Variants in NAA25 observed in about 807,000 individuals in gnomAD.
NAA25 encodes N-alpha-acetyltransferase 25, NatB auxiliary subunit.
In NAA25, 30 loss-of-function variants were observed where a neutral mutation model predicts 132.5. The observed-to-expected ratio is 0.23, with a 90% CI of 0.17 to 0.31. The LOEUF is 0.31. NAA25 is among the 10% of genes least tolerant of loss of function. The pLI, the probability that NAA25 is intolerant of heterozygous loss-of-function variation, is 1.00. For missense variants in NAA25, 771 were observed against 1,150.4 expected (o/e 0.67, Z 4.77); for synonymous variants, 359 against 401.9 (o/e 0.89, Z 1.28).
chr12:112,046,947 A>G (rs1437192603), intron 17 of NAA25, among the ~76,000 whole-genome samples: 2 of 152,214 alleles, frequency 1.3e-5, no homozygotes, highest in African/African-American at 2.4e-5. Context: ...GTATAATACT[A>G]GGAAAGGCTT....
intron 23 of NAA25, among the ~76,000 whole-genome samples, chr12:112,032,690 T>G (rs566047811): frequency 1.2e-4 from 19 of 152,340 alleles, no homozygotes; most frequent in African/African-American, 4.3e-4. Context: ...GGCAAAGGCT[T>G]TATAAGGATT....
intron 9 of NAA25, among the ~76,000 whole-genome samples, chr12:112,074,341 C>CAAAAAA (rs34077129): frequency 4.0e-4 from 14 of 34,824 alleles, no homozygotes; most frequent in East Asian, 2.3e-3. Context: ...AACTCCATCT[C>CAAAAAA]AAAAAAAAAA....
rs1327387059 is a variant in NAA25 at position 112,060,272 on chromosome 12, G to C, written c.1445C>G (p.Thr482Arg). The C allele has an allele frequency of 6.2e-7, 1 of 1,606,344 alleles. No homozygotes were observed. Among genetic ancestry groups the C allele is most frequent in the South Asian group, 1.1e-5 (1 of 90,338 alleles). The change falls in exon 13 of 24, where the codon ACA (threonine) becomes AGA (arginine). Residue 482 changes from threonine to arginine, a missense_variant and splice_region_variant. By Grantham distance (71) the Thr-to-Arg change is moderately conservative. Transcript: ENST00000261745. ...VHALIDVWRE[T>R]GDETTVWQAL... is the part of the protein sequence containing the mutation. ...GAACTGAAATCACTGCTACTTACCT[G>C]TTTCCCTCCATACATCAATAAGCGC...
intron 11 of NAA25, among the ~76,000 whole-genome samples, chr12:112,068,393 C>A (rs1022893770): frequency 1.3e-5 from 2 of 152,088 alleles, no homozygotes; most frequent in Non-Finnish European, 2.9e-5. Context: ...GTGCCACATA[C>A]TGCACTAAAT....
chr12:112,059,637 TTCCA>T (rs1477983894), intron 13 of NAA25, among the ~76,000 whole-genome samples: 1 of 152,204 alleles, frequency 6.6e-6, no homozygotes, highest in Non-Finnish European at 1.5e-5. Flanking sequence ...AGATATTCTG[TTCCA>T]TAGGCCTGTG....
intron 1 of NAA25, among the ~76,000 whole-genome samples, chr12:112,096,202 A>G (rs2079211252): frequency 6.6e-6 from 1 of 152,182 alleles, no homozygotes; most frequent in South Asian, 2.1e-4. Context: ...TCTAGAGAAG[A>G]AAAATGAGAA....
At chr12:112,051,329 G>A (rs548505871) in intron 15 of NAA25, among the ~76,000 whole-genome samples, 1 of 152,276 alleles carries the variant, frequency 6.6e-6, no homozygotes, top group Admixed American at 6.5e-5. Flanking sequence ...TCCTGCCTCA[G>A]CCTGCCGAGT....
At chr12:112,072,710 G>A (rs142415736) in intron 9 of NAA25, among the ~76,000 whole-genome samples, 156 of 152,074 alleles carry the variant, frequency 1.0e-3, no homozygotes, top group African/African-American at 3.5e-3. Context: ...ATGCTGAGGT[G>A]GGAGGACTGC....
At chr12:112,047,904 T>C (rs1410986897) in intron 16 of NAA25, 114 bp from the exon 17 acceptor site, 9 of 1,131,368 alleles carry the variant, frequency 8.0e-6, no homozygotes, top group African/African-American at 1.6e-5. Context: ...GAAGGGCTCA[T>C]AATAAGGTGA....
At chr12:112,065,381 T>C (rs1250039545) in intron 11 of NAA25, 1 of 152,000 alleles carries the variant, frequency 6.6e-6, no homozygotes, top group Admixed American at 6.6e-5. Flanking sequence ...GCACCTGTAA[T>C]CCCAGTTAGT....
At chr12:112,039,009 C>T (rs1412076078) in intron 22 of NAA25, among the ~76,000 whole-genome samples, 1 of 151,980 alleles carries the variant, frequency 6.6e-6, no homozygotes, top group African/African-American at 2.4e-5. Context: ...AAAAAAAACA[C>T]TAACAATAGC....
rs775360389 is a variant in NAA25, at chr12:112,028,553, T to A, written c.*978A>T. On this transcript the variant is annotated 3_prime_UTR_variant, in exon 24 of 24. Transcript: ENST00000261745. ...AAGCCTAAGGCTAAATCCATAATAT[T>A]ACATTCCTTCCTTCCCAAACCCCCC... The A allele has an allele frequency of 6.6e-6, 1 of 152,094 alleles. No homozygotes were observed. The highest frequency in any genetic ancestry group is 1.5e-5 in the Non-Finnish European group (1 of 68,016). The allele number at this position is 152,094 out of a possible 1,614,324, so 9.4% of individuals were successfully genotyped here.
intron 1 of NAA25, among the ~76,000 whole-genome samples, chr12:112,102,061 T>C (rs1291998761): frequency 6.6e-6 from 1 of 150,862 alleles, no homozygotes; most frequent in African/African-American, 2.4e-5. Flanking sequence ...TAGAGATGGG[T>C]TTTCACCACG....
chr12:112,083,789 C>T (rs1048576273), intron 4 of NAA25, among the ~76,000 whole-genome samples: 1 of 152,152 alleles, frequency 6.6e-6, no homozygotes, highest in Non-Finnish European at 1.5e-5. Flanking sequence ...AATCCCTGCA[C>T]TTTGGGAAGC....
At chr12:112,077,607 G>C (rs1013936195) in intron 7 of NAA25, among the ~76,000 whole-genome samples, 1 of 151,976 alleles carries the variant, frequency 6.6e-6, no homozygotes, top group Non-Finnish European at 1.5e-5. Context: ...AAAACAGTGA[G>C]ACCTCATCTC....
At chr12:112,106,643 T>G (rs549046515) in intron 1 of NAA25, among the ~76,000 whole-genome samples, 1 of 152,292 alleles carries the variant, frequency 6.6e-6, no homozygotes, top group African/African-American at 2.4e-5. Context: ...AGTGAGGTAG[T>G]TTCTAGCACA....
chr12:112,041,046 TG>T (rs1395204743), intron 20 of NAA25, among the ~76,000 whole-genome samples: 3 of 151,938 alleles, frequency 2.0e-5, no homozygotes, highest in Non-Finnish European at 4.4e-5. Flanking sequence ...CCACGCTTGG[TG>T]GTGCACGCCA....
intron 5 of NAA25, among the ~76,000 whole-genome samples, chr12:112,079,079 A>G (rs557546298): frequency 1.3e-5 from 2 of 152,298 alleles, no homozygotes; most frequent in South Asian, 2.1e-4. Context: ...TTGAAGAGGA[A>G]AGCCTTCCAG....
intron 23 of NAA25, 148 bp from the exon 24 acceptor site, chr12:112,029,801 A>G: frequency 8.4e-7 from 1 of 1,188,658 alleles, no homozygotes; most frequent in South Asian, 1.6e-5. Flanking sequence ...ATTGCATAAA[A>G]TGCAAAGAAG....
Sources: gnomAD v4.1 joint callset for allele counts (sites outside exome capture counted in the v4.1 genomes callset) on GRCh38, gnomAD v4.1.1 for gene constraint, MANE v1.5 for transcripts, NCBI Gene and HGNC (gene_info 2026-07-23, HGNC 2026-07-21) for gene names.